Variants in SPRY3 observed in about 807,000 individuals in gnomAD.
The protein encoded by SPRY3 is sprouty RTK signaling antagonist 3.
A neutral mutation model predicts 20.2 loss-of-function variants in SPRY3; 15 were observed. That is an observed-to-expected ratio of 0.74 (90% CI 0.50 to 1.14). The LOEUF is 1.14. Ranked by LOEUF, SPRY3 falls within the 50% of genes most tolerant of loss-of-function variation. The pLI is 0.00. For missense variants in SPRY3, 364 were observed against 363.9 expected (o/e 1.00, Z 0.00); for synonymous variants, 143 against 136.5 (o/e 1.05, Z -0.33).
At chrX:155,644,562 A>G (rs782319079) in intron 1 of SPRY3, among the ~76,000 whole-genome samples, 2 of 110,871 alleles carry the variant, frequency 1.8e-5, no homozygotes, top group South Asian at 3.9e-4. Context: ...ATAAGTCACA[A>G]TGCTTCCCAC....
In SPRY3 at chrX:155,773,309, TATATATATATATATATATATATA is replaced by T. The variant is rs2091394408; in HGVS notation, c.-106-456_-106-434del. The stretch of plus-strand genomic sequence containing the variant: ...CACTGAAAAGATAATTTTGATTGGA[TATATATATATATATATATATATA>T]TATATATATGAGCAACTTCTCATGG... On this transcript the variant is annotated intron_variant, in intron 3 of 3. Coordinates refer to ENST00000675360, the Ensembl canonical transcript of SPRY3. 6.0e-5 allele frequency among the ~76,000 whole-genome samples: 8 copies of T among 134,138 alleles called. 1 individual carries two copies. The highest frequency in any genetic ancestry group is 2.3e-4 in the African/African-American group (8 of 35,340). 88.0% of individuals were successfully genotyped at this position (134,138 alleles called of 152,430 possible).
At chrX:155,751,608 G>A (rs1188531958) in intron 2 of SPRY3, among the ~76,000 whole-genome samples, 1 of 151,808 alleles carries the variant, frequency 6.6e-6, no homozygotes, top group Non-Finnish European at 1.5e-5. Flanking sequence ...ATATTATAAT[G>A]TAAGAATTTT....
chrX:155,724,507 T>C (rs2091084330), intron 2 of SPRY3, among the ~76,000 whole-genome samples: 1 of 152,128 alleles, frequency 6.6e-6, no homozygotes. Context: ...TCACATCCCT[T>C]GTAAGTTGGA....
At chrX:155,668,490 G>A (rs2068031103) in intron 2 of SPRY3, among the ~76,000 whole-genome samples, 1 of 110,201 alleles carries the variant, frequency 9.1e-6, no homozygotes, top group South Asian at 3.8e-4. Context: ...ATCTATATAG[G>A]GGTTACACAG....
chrX:155,720,594 A>C (rs2091051040), intron 2 of SPRY3, among the ~76,000 whole-genome samples: 1 of 152,184 alleles, frequency 6.6e-6, no homozygotes, highest in Non-Finnish European at 1.5e-5. Context: ...CAGGTGGCTC[A>C]GAACACAGAG....
chrX:155,663,684 C>T (rs1257482240), intron 2 of SPRY3, among the ~76,000 whole-genome samples: 1 of 111,540 alleles, frequency 9.0e-6, no homozygotes, highest in Non-Finnish European at 1.9e-5. Flanking sequence ...TACAAATTCT[C>T]ATACCCTACT....
chrX:155,729,144 T>C lies in SPRY3; in HGVS notation c.-281-38818T>C, dbSNP rs183138702. 4.6e-5 allele frequency among the ~76,000 whole-genome samples: 7 copies of C among 152,284 alleles called. No homozygotes were observed. In the East Asian group the frequency reaches 7.7e-4, roughly 17 times the overall value. ...AGACTTCAACAGCCCACTTTTAGCA[T>C]TGGACAGATATCCAACAAAAAATCA... On this transcript the variant is annotated intron_variant, in intron 2 of 3. Transcript: ENST00000675360.
At chrX:155,692,188 A>AT (rs1444405604) in intron 2 of SPRY3, among the ~76,000 whole-genome samples, 3 of 110,538 alleles carry the variant, frequency 2.7e-5, no homozygotes, top group Non-Finnish European at 5.7e-5. Flanking sequence ...ACAGCTTTAT[A>AT]TTTTACATTT....
At chrX:155,750,233 A>G (rs1223058163) in intron 2 of SPRY3, among the ~76,000 whole-genome samples, 1 of 151,902 alleles carries the variant, frequency 6.6e-6, no homozygotes, top group East Asian at 1.9e-4. Flanking sequence ...AACATTGGGT[A>G]CACATGAACA....
intron 2 of SPRY3, among the ~76,000 whole-genome samples, chrX:155,714,872 C>T (rs2091011109): frequency 2.0e-5 from 3 of 152,064 alleles, no homozygotes; most frequent in Non-Finnish European, 2.9e-5. Context: ...CACCAGTCCA[C>T]GGGGGATTCT....
At chrX:155,755,211 A>G (rs1045795822) in intron 2 of SPRY3, among the ~76,000 whole-genome samples, 1 of 146,944 alleles carries the variant, frequency 6.8e-6, no homozygotes, top group Non-Finnish European at 1.5e-5. Flanking sequence ...GTGAAAGTGA[A>G]CACATCCCAG....
intron 1 of SPRY3, among the ~76,000 whole-genome samples, chrX:155,617,730 C>A (rs2067858565): frequency 9.0e-6 from 1 of 111,568 alleles, no homozygotes; most frequent in Non-Finnish European, 1.9e-5. Context: ...TTCTTGGTTT[C>A]AAGACTAACT....
At chrX:155,707,251 C>T (rs1197141496) in intron 2 of SPRY3, among the ~76,000 whole-genome samples, 1 of 151,070 alleles carries the variant, frequency 6.6e-6, no homozygotes, top group Non-Finnish European at 1.5e-5. Context: ...ATTTATGGAT[C>T]GTTTGGAAGT....
At chrX:155,707,734 T>A (rs1288633510) in intron 2 of SPRY3, among the ~76,000 whole-genome samples, 1 of 151,232 alleles carries the variant, frequency 6.6e-6, no homozygotes, top group African/African-American at 2.4e-5. Flanking sequence ...ATATAGCCAT[T>A]TCAACTCCTT....
chrX:155,782,052 G>C (rs1465404834), exon 2 of SPRY3: 1 of 167,002 alleles, frequency 6.0e-6, no homozygotes, highest in African/African-American at 2.4e-5. Flanking sequence ...CTAGCCCAGG[G>C]TTTCAATGGA....
intron 2 of SPRY3, among the ~76,000 whole-genome samples, chrX:155,723,875 T>C (rs1298837792): frequency 1.3e-5 from 2 of 152,220 alleles, no homozygotes; most frequent in Admixed American, 6.5e-5. Flanking sequence ...ATGTCCTGAA[T>C]GGTATTGCCT....
intron 1 of SPRY3, among the ~76,000 whole-genome samples, chrX:155,626,704 AT>A (rs2124524711): frequency 8.9e-6 from 1 of 111,842 alleles, no homozygotes; most frequent in South Asian, 3.6e-4. Context: ...TCTTTGATAC[AT>A]TTTTAGTTAA....
At position 155,617,031 on chromosome X, in the gene SPRY3, A is replaced by G. The variant is rs782696449; in HGVS notation, c.-441+4384A>G. On this transcript the variant is annotated intron_variant, in intron 1 of 3. Coordinates refer to ENST00000675360, the Ensembl canonical transcript of SPRY3. Reference sequence around the variant, plus strand: ...TTCCCTTGAAGATGACAAAAATTTCATACTTTAATTCTTGCATGCTGGTTC... The same window carrying G: ...TTCCCTTGAAGATGACAAAAATTTCGTACTTTAATTCTTGCATGCTGGTTC... Among the ~76,000 whole-genome samples, 9 of 107,374 alleles carry G rather than the reference A, an allele frequency of 8.4e-5. No individual in the cohort carries two copies. In the East Asian group the frequency reaches 2.6e-3, roughly 31 times the overall value. The allele number at this position is 107,374 out of a possible 115,157, so 93.2% of individuals were successfully genotyped here.
chrX:155,752,567 G>A (rs991902622), intron 2 of SPRY3, among the ~76,000 whole-genome samples: 1 of 151,412 alleles, frequency 6.6e-6, no homozygotes, highest in Non-Finnish European at 1.5e-5. Flanking sequence ...AGTTCTTACA[G>A]ATCCATAATA....
Sources: allele counts gnomAD v4.1 joint callset (sites outside exome capture counted in the v4.1 genomes callset), GRCh38; gene constraint gnomAD v4.1.1; transcripts MANE v1.5; gene names NCBI Gene and HGNC (gene_info 2026-07-23, HGNC 2026-07-21).